LUC7L: variants seen among roughly 807,000 people sequenced by gnomAD.
The protein encoded by LUC7L is LUC7 like.
In LUC7L, 29 loss-of-function variants were observed where a neutral mutation model predicts 51.1. The observed-to-expected ratio is 0.57, with a 90% CI of 0.42 to 0.77. LUC7L has a LOEUF of 0.77. Ranked by LOEUF, LUC7L falls within the 30% of genes least tolerant of loss-of-function variation. The pLI is 0.00. For synonymous variants in LUC7L, 181 were observed against 180.7 expected, an observed-to-expected ratio of 1.00 and a Z score of -0.01; for missense variants, 403 against 511.9, an observed-to-expected ratio of 0.79 and a Z score of 2.05.
Position 201,160 on chromosome 16 carries a change from CTCTG to C in LUC7L, c.511-1926_511-1923del, listed in dbSNP as rs1443459649. ...ATCCAGCCTGGGCGACAGAGCGAGA[CTCTG>C]TCTGAGAAAAAAAAAAAAAAAAAAG... On this transcript the variant is annotated intron_variant, in intron 5 of 9. Transcript: ENST00000293872. 7.6e-5 allele frequency among the ~76,000 whole-genome samples: 7 copies of C among 92,046 alleles called. No homozygotes were observed. In the East Asian group the frequency reaches 2.2e-3, roughly 28 times the overall value. 60.4% of individuals were successfully genotyped at this position (92,046 alleles called of 152,430 possible).
intron 6 of LUC7L, among the ~76,000 whole-genome samples, chr16:193,730 T>C (rs1182812085): frequency 1.3e-5 from 2 of 151,954 alleles, no homozygotes; most frequent in Non-Finnish European, 2.9e-5. Context: ...CCTAACCTTG[T>C]GATATGCCTG....
intron 1 of LUC7L, 119 bp downstream of exon 1, chr16:229,160 G>A: frequency 1.4e-6 from 2 of 1,442,976 alleles, no homozygotes. Flanking sequence ...CGCGGGGGAG[G>A]AGGAGCGATG....
Position 229,197 on chromosome 16 carries a change from T to C in LUC7L, c.61+82A>G, listed in dbSNP as rs772421480. The stretch of plus-strand genomic sequence containing the variant: ...CCCGCGCAGGCGCAGGCGCAGACGA[T>C]CGCGGCCCCCGCCTCAGGCCGCCCG... On this transcript the variant is annotated intron_variant, in intron 1 of 9. Transcript: ENST00000293872. 1.2e-5 allele frequency: 18 copies of C among 1,499,626 alleles called. No individual in the cohort carries two copies. In the South Asian group the frequency reaches 2.1e-4, roughly 18 times the overall value. 92.9% of individuals were successfully genotyped at this position (1,499,626 alleles called of 1,614,324 possible). A position where few individuals can be genotyped will look rare whatever the true frequency, so the allele number is the denominator to read the frequency against.
chr16:205,401 A>G (rs750474334), intron 5 of LUC7L, among the ~76,000 whole-genome samples: 2 of 152,088 alleles, frequency 1.3e-5, no homozygotes, highest in African/African-American at 2.4e-5. Context: ...GTATCCTCAT[A>G]TATTTTATGT....
At chr16:203,378 G>C (rs2049387196) in intron 5 of LUC7L, among the ~76,000 whole-genome samples, 1 of 152,048 alleles carries the variant, frequency 6.6e-6, no homozygotes, top group African/African-American at 2.4e-5. Context: ...TCCTTCTATG[G>C]GGACATTACC....
chr16:221,618 G>A (rs1378082173), intron 2 of LUC7L, among the ~76,000 whole-genome samples: 1 of 151,992 alleles, frequency 6.6e-6, no homozygotes, highest in East Asian at 1.9e-4. Context: ...CACAAGAATC[G>A]CTTGAACCCA....
chr16:210,978 G>A (rs1248685227), intron 3 of LUC7L, among the ~76,000 whole-genome samples: 1 of 150,656 alleles, frequency 6.6e-6, no homozygotes, highest in Non-Finnish European at 1.5e-5. Flanking sequence ...ATGAACCCGG[G>A]AGGTAGAGCT....
intron 3 of LUC7L, among the ~76,000 whole-genome samples, chr16:219,729 G>A (rs1398428152): frequency 2.6e-5 from 4 of 152,046 alleles, no homozygotes; most frequent in South Asian, 2.1e-4. Flanking sequence ...AAAATCAGCC[G>A]GGCATGGCGG....
chr16:228,924 C>G, intron 1 of LUC7L: 2 of 1,372,550 alleles, frequency 1.5e-6, no homozygotes, highest in Non-Finnish European at 1.9e-6. Context: ...CACCCGGCTG[C>G]CAGCGACCTG....
At chr16:206,921 T>G (rs943338237) in intron 4 of LUC7L, among the ~76,000 whole-genome samples, 34 of 136,534 alleles carry the variant, frequency 2.5e-4, no homozygotes, top group African/African-American at 8.6e-4. Flanking sequence ...AAAAGATGGC[T>G]GGGTGCAGTG....
At chr16:225,462 G>A (rs906404098) in intron 2 of LUC7L, among the ~76,000 whole-genome samples, 4 of 145,938 alleles carry the variant, frequency 2.7e-5, no homozygotes, top group African/African-American at 1.0e-4. Flanking sequence ...CTCCAGCCTG[G>A]GCAACAAGAG....
chr16:218,023 C>T (rs370779449), intron 3 of LUC7L, among the ~76,000 whole-genome samples: 13 of 123,568 alleles, frequency 1.1e-4, no homozygotes, highest in African/African-American at 3.8e-4. Context: ...AAAACTATAT[C>T]TCCAAAAAAA....
chr16:225,181 C>T lies in LUC7L; in HGVS notation c.156+2061G>A, dbSNP rs575212135. ...TGACCAGGAAGGGCACCAAAGTTTCCGGAACCTTCAGAAAACACAGTTCTG... is the reference window on the plus strand; with the variant it reads ...TGACCAGGAAGGGCACCAAAGTTTCTGGAACCTTCAGAAAACACAGTTCTG... On this transcript the variant is annotated intron_variant, in intron 2 of 9. Coordinates refer to ENST00000293872, the MANE Select transcript of LUC7L (RefSeq NM_201412.3). Among the ~76,000 whole-genome samples the T allele has an allele frequency of 3.9e-5, 6 of 152,108 alleles. No individual in the cohort carries two copies. The South Asian group carries it at 1.0e-3, about 26-fold the overall frequency.
At chr16:189,896 C>T in intron 9 of LUC7L, 72 bp downstream of exon 9, 1 of 1,554,466 alleles carries the variant, frequency 6.4e-7, no homozygotes, top group South Asian at 1.2e-5. Context: ...AGACACGGCC[C>T]TCAGCAGACC....
At chr16:192,219 C>A (rs1413685759) in intron 7 of LUC7L, among the ~76,000 whole-genome samples, 1 of 152,142 alleles carries the variant, frequency 6.6e-6, no homozygotes, top group Non-Finnish European at 1.5e-5. Context: ...CTCCTTGCAC[C>A]CCTTACCTGG....
In LUC7L at chr16:220,889, A is replaced by C. The variant is rs572812767; in HGVS notation, c.157-142T>G. ...ACTGCAATAAGAAAATTAAGAAAGGAGATATGGCTGAGAAGCCTCATTTCA... is the reference window on the plus strand; with the variant it reads ...ACTGCAATAAGAAAATTAAGAAAGGCGATATGGCTGAGAAGCCTCATTTCA... On this transcript the variant is annotated intron_variant, in intron 2 of 9. Transcript: ENST00000293872. 9.5e-5 allele frequency: 59 copies of C among 622,308 alleles called. No individual in the cohort carries two copies. In the South Asian group the frequency reaches 1.2e-3, roughly 13 times the overall value. The allele number at this position is 622,308 out of a possible 1,614,324, so 38.5% of individuals were successfully genotyped here. A position where few individuals can be genotyped will look rare whatever the true frequency, so the allele number is the denominator to read the frequency against.
intron 2 of LUC7L, among the ~76,000 whole-genome samples, chr16:224,903 T>C (rs958073305): frequency 6.6e-6 from 1 of 152,140 alleles, no homozygotes; most frequent in Non-Finnish European, 1.5e-5. Flanking sequence ...AAAGAGTCCC[T>C]GCTTAAGCAC....
chr16:190,436 C>T, intron 8 of LUC7L, 105 bp downstream of exon 8: 2 of 1,248,958 alleles, frequency 1.6e-6, no homozygotes, highest in Non-Finnish European at 2.3e-6. Context: ...CACAAGCCAG[C>T]CCTACCTGCC....
intron 9 of LUC7L, 193 bp from the exon 10 acceptor site, chr16:189,532 C>G: frequency 1.4e-6 from 2 of 1,383,550 alleles, no homozygotes; most frequent in East Asian, 2.5e-5. Context: ...GTGACCTTTG[C>G]GAAGATTTTT....
Sources: allele counts gnomAD v4.1 joint callset (sites outside exome capture counted in the v4.1 genomes callset), GRCh38; gene constraint gnomAD v4.1.1; transcripts MANE v1.5; gene names NCBI Gene and HGNC (gene_info 2026-07-23, HGNC 2026-07-21).